ARIH2: variants seen among roughly 807,000 people sequenced by gnomAD.
ARIH2 encodes the protein E3 ubiquitin-protein ligase ARIH2.
In ARIH2, 12 loss-of-function variants were observed where a neutral mutation model predicts 79.8. That is an observed-to-expected ratio of 0.15 (90% confidence interval 0.10 to 0.24). The LOEUF (loss-of-function observed/expected upper bound fraction) is 0.24, where lower values mean the gene tolerates loss of function less well. ARIH2 is among the 10% of genes least tolerant of loss of function. ARIH2 has a pLI of 1.00. For synonymous variants in ARIH2, 224 were observed against 213.9 expected (o/e 1.05, Z -0.41); for missense variants, 301 against 618.3 (o/e 0.49, Z 5.44).
chr3:48,959,704 G>A (rs566362815), intron 3 of ARIH2, among the ~76,000 whole-genome samples: 58 of 150,102 alleles, frequency 3.9e-4, no homozygotes, highest in Non-Finnish European at 6.6e-4. Flanking sequence ...CAGCATGCAC[G>A]GGTCAGATGC....
At chr3:48,952,981 G>A (rs1027444184) in intron 3 of ARIH2, among the ~76,000 whole-genome samples, 5 of 151,990 alleles carry the variant, frequency 3.3e-5, no homozygotes, top group South Asian at 2.1e-4. Flanking sequence ...CCAAGCTAGA[G>A]TGCAGTGGCG....
chr3:48,978,838 G>C (rs909275977), intron 11 of ARIH2, among the ~76,000 whole-genome samples: 1 of 151,742 alleles, frequency 6.6e-6, no homozygotes, highest in African/African-American at 2.4e-5. Flanking sequence ...GCAGGCACCT[G>C]TAGTCCCAGC....
At chr3:48,919,320 A>G in intron 1 of ARIH2, 5 of 799,534 alleles carry the variant, frequency 6.3e-6, no homozygotes, top group Non-Finnish European at 8.6e-6. Flanking sequence ...CTCGGGGCTC[A>G]CCACTCGAGT....
rs532678740 is a variant in ARIH2, at chr3:48,935,180, C to T, written c.255+7367C>T. On this transcript the variant is annotated intron_variant, in intron 3 of 15. Transcript: ENST00000356401. ...ACCAATATTGGGTATTTATTGAGAA[C>T]CTACTACGCCTCCTGTTATGTTCCT... Among the ~76,000 whole-genome samples, 42 of 152,282 alleles carry T rather than the reference C, an allele frequency of 2.8e-4. 1 individual carries two copies. The highest frequency in any genetic ancestry group is 2.3e-3 in the Admixed American group (35 of 15,292).
chr3:48,971,782 G>C (rs2092253668), intron 8 of ARIH2, among the ~76,000 whole-genome samples: 1 of 152,092 alleles, frequency 6.6e-6, no homozygotes, highest in South Asian at 2.1e-4. Context: ...TTTAAATCCG[G>C]CAGCCCCCAG....
intron 3 of ARIH2, among the ~76,000 whole-genome samples, chr3:48,950,414 G>A (rs140498805): frequency 1.3e-5 from 2 of 152,188 alleles, no homozygotes; most frequent in East Asian, 3.9e-4. Context: ...TATCTCCACT[G>A]TCTTGATTAC....
intron 3 of ARIH2, chr3:48,948,981 A>C: frequency 2.4e-6 from 1 of 417,800 alleles, no homozygotes; most frequent in Non-Finnish European, 4.9e-6. Flanking sequence ...GTTGTTTCTA[A>C]TTTTGGGCTA....
intron 3 of ARIH2, among the ~76,000 whole-genome samples, chr3:48,952,246 G>A (rs1180822625): frequency 1.3e-5 from 2 of 152,128 alleles, no homozygotes; most frequent in East Asian, 3.8e-4. Flanking sequence ...ACAAAGAAGG[G>A]CATTATTGGT....
intron 3 of ARIH2, among the ~76,000 whole-genome samples, chr3:48,953,815 G>C (rs2090272866): frequency 6.6e-6 from 1 of 151,692 alleles, no homozygotes; most frequent in South Asian, 2.1e-4. Flanking sequence ...TCCTACCTTA[G>C]CCTCCTGAGT....
intron 3 of ARIH2, chr3:48,934,818 CA>C (rs1025093580): frequency 7.1e-6 from 7 of 985,262 alleles, no homozygotes; most frequent in Non-Finnish European, 8.4e-6. Flanking sequence ...TGATACCATA[CA>C]AAACATGCTC....
chr3:48,967,501 T>C (rs749017142), intron 6 of ARIH2, among the ~76,000 whole-genome samples: 2 of 152,184 alleles, frequency 1.3e-5, no homozygotes, highest in African/African-American at 2.4e-5. Context: ...TTGGCGTGAG[T>C]GCAGAGCTAC....
intron 3 of ARIH2, among the ~76,000 whole-genome samples, chr3:48,956,543 G>A (rs1453979870): frequency 7.6e-6 from 1 of 131,826 alleles, no homozygotes; most frequent in Non-Finnish European, 1.6e-5. Context: ...CAATTCTCCC[G>A]CCTCAGCCTC....
intron 3 of ARIH2, among the ~76,000 whole-genome samples, chr3:48,936,734 A>G (rs1368632451): frequency 1.3e-5 from 2 of 151,556 alleles, no homozygotes; most frequent in African/African-American, 2.4e-5. Context: ...CTCTGTCTCA[A>G]AAAAACAAAA....
At chr3:48,939,750 T>A (rs1437808248) in intron 3 of ARIH2, among the ~76,000 whole-genome samples, 1 of 93,506 alleles carries the variant, frequency 1.1e-5, no homozygotes, top group African/African-American at 4.2e-5. Flanking sequence ...AGAGCAAGAC[T>A]CCATCTCAAA....
chr3:48,941,661 C>T (rs2088258452), intron 3 of ARIH2, among the ~76,000 whole-genome samples: 1 of 146,234 alleles, frequency 6.8e-6, no homozygotes, highest in Admixed American at 6.9e-5. Context: ...GGCGCAATCT[C>T]GGCTCACTGC....
intron 3 of ARIH2, among the ~76,000 whole-genome samples, chr3:48,957,202 T>C (rs985445701): frequency 6.6e-6 from 1 of 152,240 alleles, no homozygotes; most frequent in African/African-American, 2.4e-5. Flanking sequence ...AATTCTTGGC[T>C]TCAGTAGAGG....
intron 3 of ARIH2, chr3:48,934,991 T>C: frequency 1.0e-6 from 1 of 975,020 alleles, no homozygotes; most frequent in Non-Finnish European, 1.2e-6. Flanking sequence ...ATTTATATTT[T>C]AATCTTGAGT....
chr3:48,941,904 G>A (rs1335565411), intron 3 of ARIH2, among the ~76,000 whole-genome samples: 1 of 149,290 alleles, frequency 6.7e-6, no homozygotes, highest in South Asian at 2.1e-4. Context: ...TTTTTTGTTT[G>A]AGATGAAGTC....
intron 14 of ARIH2, among the ~76,000 whole-genome samples, chr3:48,982,018 T>C (rs149945227): frequency 3.1e-3 from 478 of 152,344 alleles, no homozygotes; most frequent in African/African-American, 0.011. Flanking sequence ...GTGCCCATGC[T>C]TGGGAGGGAT....
Sources: allele counts gnomAD v4.1 joint callset (sites outside exome capture counted in the v4.1 genomes callset), GRCh38; gene constraint gnomAD v4.1.1; transcripts MANE v1.5; gene names NCBI Gene and HGNC (gene_info 2026-07-23, HGNC 2026-07-21).